PPM1H: variants seen among roughly 807,000 people sequenced by gnomAD.
PPM1H encodes protein phosphatase, Mg2+/Mn2+ dependent 1H, also known as protein phosphatase 1H.
A neutral mutation model predicts 54.9 loss-of-function variants in PPM1H; 27 were observed. The ratio of observed to expected loss-of-function variants is 0.49; its 90% CI spans 0.36 to 0.68. The LOEUF (loss-of-function observed/expected upper bound fraction) is 0.68. Ranked by LOEUF, PPM1H falls within the 30% of genes least tolerant of loss-of-function variation. The pLI is 0.00. For missense variants in PPM1H, 596 were observed against 667.8 expected (o/e 0.89, Z 1.19); for synonymous variants, 305 against 270.8 (o/e 1.13, Z -1.24).
chr12:62,766,143 G>T (rs183137949), intron 4 of PPM1H, among the ~76,000 whole-genome samples: 7 of 152,284 alleles, frequency 4.6e-5, no homozygotes, highest in Admixed American at 4.6e-4. Context: ...ATGACAGAAG[G>T]GGTGGGGAGG....
intron 3 of PPM1H, among the ~76,000 whole-genome samples, chr12:62,788,913 A>G (rs1057487481): frequency 6.6e-6 from 1 of 152,042 alleles, no homozygotes; most frequent in African/African-American, 2.4e-5. Context: ...TTTTGTAGAG[A>G]TGGGGTCTTG....
intron 1 of PPM1H, among the ~76,000 whole-genome samples, chr12:62,914,859 CT>C (rs1368243668): frequency 2.0e-5 from 3 of 152,190 alleles, no homozygotes; most frequent in Non-Finnish European, 4.4e-5. Flanking sequence ...TAACATCTCT[CT>C]TCCTTATTCC....
In PPM1H at chr12:62,766,338, G is replaced by C. The variant is rs374903644; in HGVS notation, c.869+21888C>G. 1.1e-4 allele frequency among the ~76,000 whole-genome samples: 16 copies of C among 152,056 alleles called. 1 individual carries two copies. The highest frequency in any genetic ancestry group is 8.5e-4 in the Admixed American group (13 of 15,286). On this transcript the variant is annotated intron_variant, in intron 4 of 9. Coordinates refer to ENST00000228705, the MANE Select transcript of PPM1H (RefSeq NM_020700.2). ...ACTTAACCTTTACCCTTGATTGAAAGGGTGATTACATAAACACACACAAAA... is the reference window on the plus strand; with the variant it reads ...ACTTAACCTTTACCCTTGATTGAAACGGTGATTACATAAACACACACAAAA...
chr12:62,865,130 A>T (rs1869729283), intron 1 of PPM1H, among the ~76,000 whole-genome samples: 2 of 152,202 alleles, frequency 1.3e-5, no homozygotes, highest in African/African-American at 4.8e-5. Context: ...TTAAGAGTGA[A>T]GACTATGTCT....
intron 9 of PPM1H, among the ~76,000 whole-genome samples, chr12:62,648,882 C>T (rs2075800754): frequency 6.6e-6 from 1 of 152,236 alleles, no homozygotes; most frequent in South Asian, 2.1e-4. Context: ...TTCACCTCCT[C>T]AGTCCTCTTT....
In PPM1H at chr12:62,899,895, G is replaced by T. The variant is rs118057649; in HGVS notation, c.245+34597C>A. On this transcript the variant is annotated intron_variant, in intron 1 of 9. Coordinates refer to ENST00000228705, the MANE Select transcript of PPM1H (RefSeq NM_020700.2). ...TCCAATGCAATGGTATTACGAAGGT[G>T]AGGTGAGGGTGGTGCCCTCACAAAT... Among the ~76,000 whole-genome samples the T allele has an allele frequency of 2.7e-3, 409 of 152,294 alleles. 1 individual carries two copies. Among genetic ancestry groups the T allele is most frequent in the Non-Finnish European group, 4.8e-3 (325 of 68,022 alleles).
chr12:62,695,447 C>A (rs2076109204), intron 6 of PPM1H, among the ~76,000 whole-genome samples: 1 of 152,074 alleles, frequency 6.6e-6, no homozygotes, highest in African/African-American at 2.4e-5. Flanking sequence ...TAGCACTGTG[C>A]CTGGCAAAAC....
chr12:62,679,597 C>T (rs1236272045), intron 8 of PPM1H, among the ~76,000 whole-genome samples: 6 of 152,094 alleles, frequency 3.9e-5, no homozygotes, highest in Admixed American at 3.9e-4. Flanking sequence ...AATTTAGATA[C>T]TAATGTGAAT....
intron 9 of PPM1H, among the ~76,000 whole-genome samples, chr12:62,663,596 G>A (rs1354985027): frequency 6.6e-6 from 1 of 152,094 alleles, no homozygotes; most frequent in Admixed American, 6.5e-5. Context: ...TAGAACTGCT[G>A]GGCTCCATAA....
chr12:62,881,573 C>G (rs1270166482), intron 1 of PPM1H, among the ~76,000 whole-genome samples: 2 of 152,178 alleles, frequency 1.3e-5, no homozygotes, highest in African/African-American at 4.8e-5. Flanking sequence ...TTCTCAATTG[C>G]ATAAGCCAAT....
chr12:62,686,314 A>G (rs1403518517), intron 8 of PPM1H, among the ~76,000 whole-genome samples: 1 of 152,232 alleles, frequency 6.6e-6, no homozygotes, highest in African/African-American at 2.4e-5. Flanking sequence ...ATTTTATATA[A>G]AAAGTAAATG....
chr12:62,722,161 G>A (rs959638600), intron 5 of PPM1H, among the ~76,000 whole-genome samples: 8 of 151,948 alleles, frequency 5.3e-5, no homozygotes, highest in Admixed American at 6.6e-5. Context: ...ATTTTAGTCC[G>A]CCCATGAAAA....
At chr12:62,703,530 C>A (rs74098812) in intron 6 of PPM1H, among the ~76,000 whole-genome samples, 1 of 151,850 alleles carries the variant, frequency 6.6e-6, no homozygotes, top group Non-Finnish European at 1.5e-5. Context: ...GGGAGGAGGC[C>A]GGAGCACAGA....
chr12:62,901,640 G>C (rs1277716501), intron 1 of PPM1H, among the ~76,000 whole-genome samples: 1 of 152,202 alleles, frequency 6.6e-6, no homozygotes, highest in East Asian at 1.9e-4. Flanking sequence ...AAGAAGCAGA[G>C]CTATTCTCTA....
intron 1 of PPM1H, among the ~76,000 whole-genome samples, chr12:62,897,957 A>G (rs1005750609): frequency 5.3e-5 from 8 of 152,182 alleles, no homozygotes; most frequent in Admixed American, 1.3e-4. Flanking sequence ...GAAACAGCCT[A>G]TCACCAGCAG....
intron 3 of PPM1H, among the ~76,000 whole-genome samples, chr12:62,796,835 T>G (rs542808047): frequency 1.3e-5 from 2 of 152,272 alleles, no homozygotes; most frequent in Middle Eastern, 3.4e-3. Flanking sequence ...TTATTCACAT[T>G]AATACACCTG....
At chr12:62,689,231 A>C (rs2076070618) in intron 8 of PPM1H, among the ~76,000 whole-genome samples, 1 of 152,212 alleles carries the variant, frequency 6.6e-6, no homozygotes, top group Non-Finnish European at 1.5e-5. Context: ...TAGTTTAAGC[A>C]AATATGGGAA....
chr12:62,750,683 C>G (rs2076438385), intron 4 of PPM1H, among the ~76,000 whole-genome samples: 1 of 152,098 alleles, frequency 6.6e-6, no homozygotes, highest in Non-Finnish European at 1.5e-5. Flanking sequence ...TGAAGAACTA[C>G]CAGTTAGCTT....
In PPM1H at chr12:62,831,734, T is replaced by C. The variant is rs145967908; in HGVS notation, c.411+380A>G. 8.9e-3 allele frequency among the ~76,000 whole-genome samples: 1,352 copies of C among 151,400 alleles called. 7 individuals carry two copies. Among genetic ancestry groups the C allele is most frequent in the Middle Eastern group, 0.014 (4 of 294 alleles). ...GTGTGTGTGTGTGTGTGTGTGAGTGTGTGTGTATACGTATATATATTCGTG... is the reference window on the plus strand; with the variant it reads ...GTGTGTGTGTGTGTGTGTGTGAGTGCGTGTGTATACGTATATATATTCGTG... On this transcript the variant is annotated intron_variant, in intron 2 of 9. Transcript: ENST00000228705.
Sources: allele counts gnomAD v4.1 joint callset (sites outside exome capture counted in the v4.1 genomes callset), GRCh38; gene constraint gnomAD v4.1.1; transcripts MANE v1.5; gene names NCBI Gene and HGNC (gene_info 2026-07-23, HGNC 2026-07-21).